The following ATRNL1 variants were observed in gnomAD, a reference collection of about 807,000 sequenced individuals.
The protein encoded by ATRNL1 is attractin-like protein 1.
In ATRNL1, 95 loss-of-function variants were observed where a neutral mutation model predicts 182.7. That is an observed-to-expected ratio of 0.52 (90% CI 0.44 to 0.62). The LOEUF (loss-of-function observed/expected upper bound fraction) is 0.62. Ranked by LOEUF, ATRNL1 falls within the 20% of genes least tolerant of loss-of-function variation. ATRNL1 has a pLI of 0.00. For synonymous variants in ATRNL1, 576 were observed against 568.3 expected (o/e 1.01, Z -0.19); for missense variants, 1,471 against 1,679.5 (o/e 0.88, Z 2.17).
At chr10:115,785,482 A>G (rs1842780214) in intron 27 of ATRNL1, among the ~76,000 whole-genome samples, 1 of 152,234 alleles carries the variant, frequency 6.6e-6, no homozygotes, top group Non-Finnish European at 1.5e-5. Flanking sequence ...AAAATTCTCA[A>G]AAACTGTGTT....
intron 25 of ATRNL1, among the ~76,000 whole-genome samples, chr10:115,543,709 T>C (rs1273626926): frequency 6.6e-6 from 1 of 152,204 alleles, no homozygotes; most frequent in Non-Finnish European, 1.5e-5. Context: ...GTTACTTATA[T>C]TGAATTCTTT....
intron 14 of ATRNL1, among the ~76,000 whole-genome samples, chr10:115,283,864 A>T (rs1852485854): frequency 1.3e-5 from 2 of 152,314 alleles, no homozygotes; most frequent in South Asian, 4.1e-4. Context: ...TTGCTTTGTT[A>T]TAAAGGCTCC....
intron 27 of ATRNL1, among the ~76,000 whole-genome samples, chr10:115,740,416 T>C (rs1474012024): frequency 6.6e-6 from 1 of 152,154 alleles, no homozygotes; most frequent in Non-Finnish European, 1.5e-5. Flanking sequence ...ACACCTATAG[T>C]CCCAGCTACT....
At chr10:115,149,878 T>TG (rs1166332490) in intron 5 of ATRNL1, among the ~76,000 whole-genome samples, 25 of 143,136 alleles carry the variant, frequency 1.7e-4, no homozygotes, top group African/African-American at 5.7e-4. Context: ...TCCTTTTCCT[T>TG]TTTTTTTTTT....
intron 9 of ATRNL1, among the ~76,000 whole-genome samples, chr10:115,225,512 T>C (rs1554898486): frequency 1.5e-5 from 1 of 64,946 alleles, no homozygotes; most frequent in Non-Finnish European, 4.4e-5. Flanking sequence ...AATATGTATA[T>C]GGGTAATCAG....
At chr10:115,536,036 G>T (rs1170982998) in intron 25 of ATRNL1, among the ~76,000 whole-genome samples, 1 of 152,052 alleles carries the variant, frequency 6.6e-6, no homozygotes, top group African/African-American at 2.4e-5. Context: ...GAGCCTCCCA[G>T]TTAGGCTTCT....
intron 26 of ATRNL1, among the ~76,000 whole-genome samples, chr10:115,711,864 A>T (rs1158229786): frequency 1.3e-5 from 2 of 152,158 alleles, no homozygotes; most frequent in Non-Finnish European, 2.9e-5. Flanking sequence ...AATTCCAAAA[A>T]CATAGAAATG....
At position 115,424,054 on chromosome 10, in the gene ATRNL1, A is replaced by T. The variant is rs1040522354; in HGVS notation, c.3270-2196A>T. 4.6e-5 allele frequency among the ~76,000 whole-genome samples: 7 copies of T among 152,228 alleles called. No homozygotes were observed. In the South Asian group the frequency reaches 1.4e-3, roughly 31 times the overall value. Reference sequence around the variant, plus strand: ...CATCTGATAAGGGATTAATATCCAGATATGTTAGGAACCCAAAGAACTCAA... The same window carrying T: ...CATCTGATAAGGGATTAATATCCAGTTATGTTAGGAACCCAAAGAACTCAA... On this transcript the variant is annotated intron_variant, in intron 20 of 28. Transcript: ENST00000355044.
chr10:115,134,728 A>G (rs1845423467), intron 5 of ATRNL1, among the ~76,000 whole-genome samples: 1 of 152,194 alleles, frequency 6.6e-6, no homozygotes, highest in African/African-American at 2.4e-5. Context: ...CAGAGACACA[A>G]CAAAAAAAGA....
At chr10:115,851,795 T>C (rs1441093943) in intron 28 of ATRNL1, among the ~76,000 whole-genome samples, 1 of 152,174 alleles carries the variant, frequency 6.6e-6, no homozygotes, top group Non-Finnish European at 1.5e-5. Flanking sequence ...GTGGGATTTA[T>C]GCTGTTGTTT....
intron 24 of ATRNL1, among the ~76,000 whole-genome samples, chr10:115,506,693 A>G (rs1429821388): frequency 6.6e-6 from 1 of 152,090 alleles, no homozygotes; most frequent in Non-Finnish European, 1.5e-5. Flanking sequence ...TAAACTTTAG[A>G]TCTCGACCAA....
intron 28 of ATRNL1, among the ~76,000 whole-genome samples, chr10:115,865,731 G>T (rs909430744): frequency 2.0e-5 from 3 of 152,118 alleles, no homozygotes; most frequent in Non-Finnish European, 2.9e-5. Context: ...TTTAGAGCCA[G>T]GTCTGTGTGA....
At chr10:115,208,834 CT>C (rs1224064329) in intron 8 of ATRNL1, among the ~76,000 whole-genome samples, 3 of 151,626 alleles carry the variant, frequency 2.0e-5, no homozygotes, top group East Asian at 1.9e-4. Context: ...TGATTTCTTT[CT>C]TTTTTTTATT....
chr10:115,907,732 TA>T (rs1217046054), intron 28 of ATRNL1, among the ~76,000 whole-genome samples: 1 of 151,842 alleles, frequency 6.6e-6, no homozygotes, highest in Non-Finnish European at 1.5e-5. Context: ...AATAAAATTA[TA>T]AAAAAATTTT....
chr10:115,877,219 G>A (rs72832811), intron 28 of ATRNL1, among the ~76,000 whole-genome samples: 2 of 151,542 alleles, frequency 1.3e-5, no homozygotes, highest in African/African-American at 4.9e-5. Context: ...AGGTAGAAAG[G>A]CAGTCATTTT....
At chr10:115,554,612 G>A (rs1592843224) in intron 26 of ATRNL1, among the ~76,000 whole-genome samples, 2 of 151,412 alleles carry the variant, frequency 1.3e-5, no homozygotes, top group East Asian at 3.9e-4. Flanking sequence ...ATTTCAATAA[G>A]GCAGACACAC....
intron 12 of ATRNL1, 30 bp from the exon 13 acceptor site, chr10:115,268,296 C>T (rs782665819): frequency 3.2e-6 from 4 of 1,251,604 alleles, no homozygotes; most frequent in Non-Finnish European, 2.3e-6. Flanking sequence ...CTTTTCCGTG[C>T]TGATATATCG....
At chr10:115,511,741 T>G (rs1850396544) in intron 24 of ATRNL1, among the ~76,000 whole-genome samples, 2 of 151,926 alleles carry the variant, frequency 1.3e-5, no homozygotes, top group Admixed American at 1.3e-4. Flanking sequence ...ATTAATTCAT[T>G]AAAAATATAG....
intron 24 of ATRNL1, among the ~76,000 whole-genome samples, chr10:115,470,223 GA>G (rs1446519977): frequency 4.0e-5 from 6 of 149,772 alleles, no homozygotes; most frequent in African/African-American, 1.2e-4. Context: ...ATGTTTACTG[GA>G]AAAAATTTTT....
Sources: gnomAD v4.1 joint callset for allele counts (sites outside exome capture counted in the v4.1 genomes callset) on GRCh38, gnomAD v4.1.1 for gene constraint, MANE v1.5 for transcripts, NCBI Gene and HGNC (gene_info 2026-07-23, HGNC 2026-07-21) for gene names.